Variants in RBP7 observed in about 807,000 individuals in gnomAD.
RBP7 encodes the protein retinol binding protein 7, also known as retinoid-binding protein 7.
Under a neutral mutation model 16.7 loss-of-function variants are expected in RBP7, and 13 were observed. That is an observed-to-expected ratio of 0.78 (90% CI 0.51 to 1.24). RBP7 has a LOEUF of 1.24. Ranked by LOEUF, RBP7 falls within the 50% of genes most tolerant of loss-of-function variation. RBP7 has a pLI of 0.00. For synonymous variants in RBP7, 54 were observed against 56.2 expected, an observed-to-expected ratio of 0.96 and a Z score of 0.17; for missense variants, 145 against 159.5, an observed-to-expected ratio of 0.91 and a Z score of 0.49.
At chr1:9,998,541 T>C (rs1329562978) in intron 1 of RBP7, among the ~76,000 whole-genome samples, 1 of 151,106 alleles carries the variant, frequency 6.6e-6, no homozygotes, top group African/African-American at 2.4e-5. Flanking sequence ...TCCGAGTAGC[T>C]GGGACTATAG....
At chr1:10,002,474 A>G (rs981116462) in intron 1 of RBP7, among the ~76,000 whole-genome samples, 3 of 151,974 alleles carry the variant, frequency 2.0e-5, no homozygotes, top group Non-Finnish European at 2.9e-5. Context: ...GAAAGTGACC[A>G]GAACTTATGC....
chr1:10,005,664 A>G (rs1463751521), intron 1 of RBP7, among the ~76,000 whole-genome samples: 1 of 151,770 alleles, frequency 6.6e-6, no homozygotes, highest in East Asian at 1.9e-4. Context: ...CCTGGGTTCA[A>G]GCAATTCTCC....
In RBP7 at chr1:9,997,826, G is replaced by C. The variant is rs1411475173; in HGVS notation, c.73+495G>C. ...GGGGCCCCGGGCGCGCTCCCGCAGC[G>C]AAGTCCCAGCAGCCTCGGCGCACCC... On this transcript the variant is annotated intron_variant, in intron 1 of 3. Coordinates refer to ENST00000294435, the MANE Select transcript of RBP7 (RefSeq NM_052960.3). The surrounding 1 kb of genome is among the most constrained non-coding windows in gnomAD (Gnocchi z 5.9). 6.6e-6 allele frequency among the ~76,000 whole-genome samples: 1 copy of C among 152,002 alleles called. No homozygotes were observed. Among genetic ancestry groups the C allele is most frequent in the Non-Finnish European group, 1.5e-5 (1 of 67,976 alleles).
chr1:10,009,643 C>T (rs1265953414), intron 3 of RBP7, among the ~76,000 whole-genome samples: 1 of 151,224 alleles, frequency 6.6e-6, no homozygotes, highest in African/African-American at 2.4e-5. Context: ...GCGATCCTCC[C>T]ACCTCAGCCT....
At chr1:10,013,535 G>A (rs1642686869) in intron 3 of RBP7, among the ~76,000 whole-genome samples, 1 of 152,044 alleles carries the variant, frequency 6.6e-6, no homozygotes, top group African/African-American at 2.4e-5. Flanking sequence ...TTGGCTGGGG[G>A]CAGTGGCTCA....
At chr1:9,998,459 G>A (rs1570727486) in intron 1 of RBP7, among the ~76,000 whole-genome samples, 2 of 137,262 alleles carry the variant, frequency 1.5e-5, no homozygotes, top group African/African-American at 5.4e-5. Flanking sequence ...CCAGGCTGGA[G>A]TGCAGTAGTA....
At chr1:10,010,303 A>G (rs1194025843) in intron 3 of RBP7, among the ~76,000 whole-genome samples, 2 of 151,818 alleles carry the variant, frequency 1.3e-5, no homozygotes, top group Non-Finnish European at 2.9e-5. Flanking sequence ...TTGAGTAGAG[A>G]CAGGGTTTCA....
rs1570733355 is a variant in RBP7 at position 10,008,331 on chromosome 1, C to G, written c.354+57C>G. 3 of 1,191,336 alleles carry G rather than the reference C, an allele frequency of 2.5e-6. No homozygotes were observed. The East Asian group carries it at 7.1e-5, about 28-fold the overall frequency. The allele number at this position is 1,191,336 out of a possible 1,614,324, so 73.8% of individuals were successfully genotyped here. On this transcript the variant is annotated intron_variant, in intron 3 of 3. Transcript: ENST00000294435. ...ATACAGTATTAAAGGAAACATCAGG[C>G]CAAGCGTGGTGGCTCACACCTGTAA... is the stretch of plus-strand genomic sequence containing the variant.
At chr1:10,002,083 C>T (rs1309361725) in intron 1 of RBP7, among the ~76,000 whole-genome samples, 1 of 152,034 alleles carries the variant, frequency 6.6e-6, no homozygotes, top group Non-Finnish European at 1.5e-5. Flanking sequence ...CTGCCTCGGC[C>T]TCCTAAAGTG....
In RBP7 at chr1:10,015,837, C is replaced by T. The variant is rs1642760196; in HGVS notation, c.*5C>T. The stretch of plus-strand genomic sequence containing the variant: ...CAGACATTCCAGAGAGCCTGATCCA[C>T]ATCCAGCAGCAGAGCCCACTTGTGG... On this transcript the variant is annotated 3_prime_UTR_variant, in exon 4 of 4. Coordinates refer to ENST00000294435, the MANE Select transcript of RBP7 (RefSeq NM_052960.3). The T allele has an allele frequency of 6.2e-7, 1 of 1,613,764 alleles. No homozygotes were observed. Among genetic ancestry groups the T allele is most frequent in the South Asian group, 1.1e-5 (1 of 91,084 alleles).
chr1:10,003,690 C>G (rs1642341516), intron 1 of RBP7, among the ~76,000 whole-genome samples: 1 of 152,226 alleles, frequency 6.6e-6, no homozygotes, highest in Non-Finnish European at 1.5e-5. Flanking sequence ...CTCTGGGGCT[C>G]ACCTGCCCTA....
intron 1 of RBP7, among the ~76,000 whole-genome samples, chr1:10,000,576 C>A (rs1385861957): frequency 6.6e-6 from 1 of 151,864 alleles, no homozygotes; most frequent in South Asian, 2.1e-4. Flanking sequence ...ATTCAGCTAG[C>A]AATCTTGAAT....
intron 3 of RBP7, among the ~76,000 whole-genome samples, chr1:10,011,358 C>G (rs1462360628): frequency 6.6e-6 from 1 of 152,076 alleles, no homozygotes; most frequent in Non-Finnish European, 1.5e-5. Context: ...TTCTCTGGTG[C>G]CCTTTAGTTT....
chr1:9,999,910 A>G (rs1443408534), intron 1 of RBP7, among the ~76,000 whole-genome samples: 4 of 149,280 alleles, frequency 2.7e-5, no homozygotes, highest in Admixed American at 6.9e-5. Context: ...GTGCCCAGCC[A>G]TAATACTATA....
intron 3 of RBP7, among the ~76,000 whole-genome samples, chr1:10,010,588 T>C (rs1262250846): frequency 1.3e-5 from 2 of 151,126 alleles, no homozygotes; most frequent in African/African-American, 4.9e-5. Context: ...AGCTAATTTT[T>C]TTTTTTTTTT....
rs966931331 is a variant in RBP7 at position 10,008,217 on chromosome 1, G to C, written c.297G>C (p.Lys99Asn). Residue 99 changes from lysine (K) to asparagine (N), a missense_variant, in exon 3 of 4, where the codon AAG becomes AAC. Physicochemically the swap from Lys to Asn is moderately conservative, Grantham distance 94. Coordinates refer to ENST00000294435, the MANE Select transcript of RBP7 (RefSeq NM_052960.3). ...ATGACAGGCTCACCTGTATCCAGAA[G>C]GGAGAAAAGAAGAACAGAGGCTGGA... Reference protein sequence around the residue: ...WDNDRLTCIQKGEKKNRGWTH... With the variant: ...WDNDRLTCIQNGEKKNRGWTH... 10 of 1,613,250 alleles carry C rather than the reference G, an allele frequency of 6.2e-6. No homozygotes were observed. The African/African-American group carries it at 8.0e-5, about 13-fold the overall frequency.
chr1:10,002,471 A>G (rs1204884924), intron 1 of RBP7, among the ~76,000 whole-genome samples: 1 of 151,852 alleles, frequency 6.6e-6, no homozygotes, highest in African/African-American at 2.4e-5. Context: ...GCAGAAAGTG[A>G]CCAGAACTTA....
At chr1:10,010,772 C>CG (rs1557487071) in intron 3 of RBP7, among the ~76,000 whole-genome samples, 1 of 150,320 alleles carries the variant, frequency 6.7e-6, no homozygotes, top group Non-Finnish European at 1.5e-5. Context: ...TCAGTAGAGA[C>CG]GGGGTTTCTC....
chr1:10,007,536 G>T, intron 1 of RBP7, 34 bp from the exon 2 acceptor site: 1 of 1,451,200 alleles, frequency 6.9e-7, no homozygotes, highest in Non-Finnish European at 9.3e-7. Flanking sequence ...TATCTCAAGC[G>T]AATGTTCAAA....
Sources: allele counts gnomAD v4.1 joint callset (sites outside exome capture counted in the v4.1 genomes callset), GRCh38; gene constraint gnomAD v4.1.1; non-coding constraint Gnocchi (gnomAD v3.1); transcripts MANE v1.5; gene names NCBI Gene and HGNC (gene_info 2026-07-23, HGNC 2026-07-21).